RFX7: variants seen among roughly 807,000 people sequenced by gnomAD.
RFX7 encodes DNA-binding protein RFX7.
In RFX7, 26 loss-of-function variants were observed where a neutral mutation model predicts 111.8. The observed-to-expected ratio is 0.23, with a 90% CI of 0.17 to 0.32. The LOEUF (loss-of-function observed/expected upper bound fraction) is 0.32. Ranked by LOEUF, RFX7 falls within the 10% of genes least tolerant of loss-of-function variation. The pLI, the probability that RFX7 is intolerant of heterozygous loss-of-function variation, is 1.00. For synonymous variants in RFX7, 624 were observed against 624.4 expected (o/e 1.00, Z 0.01); for missense variants, 1,573 against 1,772.9 (o/e 0.89, Z 2.02).
intron 2 of RFX7, among the ~76,000 whole-genome samples, chr15:56,191,831 A>G (rs1198515822): frequency 1.3e-5 from 2 of 152,140 alleles, no homozygotes; most frequent in Non-Finnish European, 1.5e-5. Flanking sequence ...GAATGGAGAT[A>G]TAACATCTTA....
rs201283346 is a variant in RFX7, at chr15:56,095,005, T to C, written c.2723A>G (p.Asn908Ser). The change falls in exon 10 of 10, where the codon AAC becomes AGC. Residue 908 changes from asparagine to serine, a missense_variant. Physicochemically the swap from Asn to Ser is conservative, Grantham distance 46. Transcript: ENST00000559447. ...ACTCTGAAGGGTCATTCCCAAACAG[T>C]TGCCGTAAGAATGAGAATTGTTCAT... ...MSMNNSHSYG[N>S]CLGMTLQSQS... 3 of 1,613,618 alleles carry C rather than the reference T, an allele frequency of 1.9e-6. No individual in the cohort carries two copies. Among genetic ancestry groups the C allele is most frequent in the East Asian group, 2.2e-5 (1 of 44,874 alleles).
chr15:56,111,501 C>CA (rs1201474135), intron 5 of RFX7, among the ~76,000 whole-genome samples: 1 of 151,392 alleles, frequency 6.6e-6, no homozygotes, highest in Non-Finnish European at 1.5e-5. Context: ...CCCAGGGACA[C>CA]AAACACTGAG....
At chr15:56,127,112 T>C (rs1205559003) in intron 5 of RFX7, among the ~76,000 whole-genome samples, 3 of 152,006 alleles carry the variant, frequency 2.0e-5, no homozygotes, top group Non-Finnish European at 4.4e-5. Context: ...TTAATACATT[T>C]TAAAAAAAAC....
At chr15:56,110,415 G>C (rs1424650944) in intron 5 of RFX7, among the ~76,000 whole-genome samples, 4 of 121,006 alleles carry the variant, frequency 3.3e-5, no homozygotes, top group Non-Finnish European at 3.6e-5. Context: ...GTCCGGGGGA[G>C]GGGGGGTCAG....
At chr15:56,211,950 T>C (rs1854003686) in intron 2 of RFX7, among the ~76,000 whole-genome samples, 1 of 152,176 alleles carries the variant, frequency 6.6e-6, no homozygotes, top group Non-Finnish European at 1.5e-5. Context: ...GAAGACATTT[T>C]GGCAGTTTCT....
intron 5 of RFX7, among the ~76,000 whole-genome samples, chr15:56,141,106 C>G (rs1331995320): frequency 6.6e-6 from 1 of 152,154 alleles, no homozygotes; most frequent in African/African-American, 2.4e-5. Flanking sequence ...TTAACATTCC[C>G]TACTTGAGAC....
chr15:56,178,686 C>T (rs900318338), intron 3 of RFX7, among the ~76,000 whole-genome samples: 1 of 152,140 alleles, frequency 6.6e-6, no homozygotes, highest in Non-Finnish European at 1.5e-5. Context: ...TAAAAGAAGA[C>T]CTATGAAACT....
At chr15:56,131,755 T>C (rs1899466) in intron 5 of RFX7, among the ~76,000 whole-genome samples, 149,716 of 152,264 alleles carry the variant, frequency 0.98, 73,651 homozygotes, top group East Asian at 1. Context: ...GGAAATGATG[T>C]CTATCACTGC....
intron 5 of RFX7, among the ~76,000 whole-genome samples, chr15:56,139,406 A>G (rs888474177): frequency 1.4e-4 from 22 of 152,326 alleles, no homozygotes; most frequent in East Asian, 1.2e-3. Flanking sequence ...AGTTGATCGC[A>G]TCGGCTCCTG....
chr15:56,133,970 A>G (rs1325777830), intron 5 of RFX7, among the ~76,000 whole-genome samples: 1 of 152,154 alleles, frequency 6.6e-6, no homozygotes, highest in Non-Finnish European at 1.5e-5. Context: ...TATACTAACC[A>G]TATGTAAACT....
chr15:56,242,656 T>C (rs984575849), intron 2 of RFX7, among the ~76,000 whole-genome samples: 2 of 152,168 alleles, frequency 1.3e-5, no homozygotes, highest in African/African-American at 4.8e-5. Flanking sequence ...CTAACCCAAC[T>C]GAAAGGAAGA....
rs531510330 is a variant in RFX7 at position 56,115,704 on chromosome 15, T to G, written c.402-12034A>C. ...CTGTAATCCCAGCACTTTGGGAGGCTGAGGTGGGCAGATCATGAGATCAGG... is the reference window on the plus strand; with the variant it reads ...CTGTAATCCCAGCACTTTGGGAGGCGGAGGTGGGCAGATCATGAGATCAGG... On this transcript the variant is annotated intron_variant, in intron 5 of 9. Coordinates refer to ENST00000559447, the MANE Select transcript of RFX7 (RefSeq NM_022841.7). Among the ~76,000 whole-genome samples, 8 of 152,130 alleles carry G rather than the reference T, an allele frequency of 5.3e-5. 1 individual carries two copies. In the South Asian group the frequency reaches 1.7e-3, roughly 32 times the overall value.
At chr15:56,174,846 C>T (rs1477578687) in intron 3 of RFX7, among the ~76,000 whole-genome samples, 1 of 151,542 alleles carries the variant, frequency 6.6e-6, no homozygotes, top group Non-Finnish European at 1.5e-5. Context: ...GAAGAGCGTC[C>T]ATGAACAAGC....
At chr15:56,139,603 T>C (rs576944977) in intron 5 of RFX7, among the ~76,000 whole-genome samples, 59 of 152,350 alleles carry the variant, frequency 3.9e-4, no homozygotes, top group Non-Finnish European at 6.0e-4. Flanking sequence ...TCTGAAGCCT[T>C]CTTCTCTCTG....
At chr15:56,219,068 T>C (rs2043397265) in intron 2 of RFX7, among the ~76,000 whole-genome samples, 1 of 152,222 alleles carries the variant, frequency 6.6e-6, no homozygotes, top group African/African-American at 2.4e-5. Context: ...AAAGTTAAAG[T>C]GTAATAATTT....
At chr15:56,239,957 A>T (rs1259215012) in intron 2 of RFX7, among the ~76,000 whole-genome samples, 4 of 149,672 alleles carry the variant, frequency 2.7e-5, no homozygotes, top group Non-Finnish European at 5.9e-5. Flanking sequence ...GAGAGATAAG[A>T]GGAAGGGAAA....
At chr15:56,163,824 T>A (rs550214934) in intron 3 of RFX7, among the ~76,000 whole-genome samples, 2 of 152,334 alleles carry the variant, frequency 1.3e-5, no homozygotes, top group South Asian at 4.1e-4. Flanking sequence ...TCCATATTAC[T>A]AAGAAATAAA....
At position 56,090,219 on chromosome 15, in the gene RFX7, G is replaced by A. The variant is rs1381670289; in HGVS notation, c.*3126C>T. 2 of 152,088 alleles carry A rather than the reference G, an allele frequency of 1.3e-5. No individual in the cohort carries two copies. The highest frequency in any genetic ancestry group is 4.8e-5 in the African/African-American group (2 of 41,420). The allele number at this position is 152,088 out of a possible 1,614,324, so 9.4% of individuals were successfully genotyped here. On this transcript the variant is annotated 3_prime_UTR_variant, in exon 10 of 10. Coordinates refer to ENST00000559447, the MANE Select transcript of RFX7 (RefSeq NM_022841.7). ...AGAGCTCCAGAAATATACTTACCTA[G>A]GTACTCCATAGGCTAACATTTAAAC...
rs2041675114 is a variant in RFX7, at chr15:56,096,210, C to A, written c.1518G>T (p.Arg506Ser). The change falls in exon 10 of 10, where the codon AGG becomes AGT. Residue 506 changes from arginine to serine, a missense_variant. By Grantham distance (110) the Arg-to-Ser change is moderately radical (BLOSUM62 -1). This residue lies in a region of RFX7 where 625 missense variants were observed against 632.2 expected (regional missense o/e 0.99). Coordinates refer to ENST00000559447, the MANE Select transcript of RFX7 (RefSeq NM_022841.7). ...AACCATTCTTGATCTGTGGAACACTCCTTGATTCTTCTGTTGTTCCTGTAG... is the reference window on the plus strand; with the variant it reads ...AACCATTCTTGATCTGTGGAACACTACTTGATTCTTCTGTTGTTCCTGTAG... ...SSATGTTEES[R>S]SVPQIKNGSV... The A allele has an allele frequency of 6.2e-7, 1 of 1,613,916 alleles. No individual in the cohort carries two copies. Among genetic ancestry groups the A allele is most frequent in the Non-Finnish European group, 8.5e-7 (1 of 1,179,876 alleles).
Sources: gnomAD v4.1 joint callset for allele counts (sites outside exome capture counted in the v4.1 genomes callset) on GRCh38, gnomAD v4.1.1 for gene constraint, gnomAD v4.1.1 regional missense constraint, MANE v1.5 for transcripts, NCBI Gene and HGNC (gene_info 2026-07-23, HGNC 2026-07-21) for gene names.